The following IPCEF1 variants were observed in gnomAD, a reference collection of about 807,000 sequenced individuals.
The protein encoded by IPCEF1 is interaction protein for cytohesin exchange factors 1, also known as interactor protein for cytohesin exchange factors 1.
IPCEF1 carries 31 observed loss-of-function variants against 50.9 expected under a neutral mutation model. The observed-to-expected ratio is 0.61, with a 90% CI of 0.46 to 0.82. The LOEUF (loss-of-function observed/expected upper bound fraction) is 0.82, where lower values mean the gene tolerates loss of function less well. IPCEF1 is among the 40% of genes least tolerant of loss of function. The probability of loss-of-function intolerance (pLI) is 0.00; values close to 1 mark genes in which losing one functional copy is unlikely to be tolerated. For missense variants in IPCEF1, 458 were observed against 514.0 expected (o/e 0.89, Z 1.05); for synonymous variants, 181 against 192.0 (o/e 0.94, Z 0.47).
intron 1 of IPCEF1, among the ~76,000 whole-genome samples, chr6:154,337,872 C>T (rs1783821679): frequency 6.6e-6 from 1 of 152,138 alleles, no homozygotes; most frequent in African/African-American, 2.4e-5. Context: ...ATCCATACCA[C>T]CCTTACCCTG....
intron 1 of IPCEF1, among the ~76,000 whole-genome samples, chr6:154,355,157 T>C (rs913034492): frequency 6.6e-6 from 1 of 152,166 alleles, no homozygotes; most frequent in Non-Finnish European, 1.5e-5. Flanking sequence ...TTCAAAAGGA[T>C]GCACGAGTCA....
At chr6:154,222,252 G>A (rs1187898905) in intron 6 of IPCEF1, among the ~76,000 whole-genome samples, 2 of 152,212 alleles carry the variant, frequency 1.3e-5, no homozygotes, top group East Asian at 1.9e-4. Flanking sequence ...CCTGCAGCAC[G>A]GCACAGGCCA....
chr6:154,213,601 C>T (rs1284144645), intron 8 of IPCEF1, among the ~76,000 whole-genome samples: 1 of 152,172 alleles, frequency 6.6e-6, no homozygotes, highest in Non-Finnish European at 1.5e-5. Context: ...CTTCCAATTT[C>T]CAAGGCCTTT....
chr6:154,213,397 T>C (rs1778125643), intron 8 of IPCEF1: 1 of 155,786 alleles, frequency 6.4e-6, no homozygotes, highest in Non-Finnish European at 1.4e-5. Context: ...TGTAGTTTTG[T>C]ACTAACTCAC....
chr6:154,341,081 A>C (rs1783909797), intron 1 of IPCEF1, among the ~76,000 whole-genome samples: 1 of 152,170 alleles, frequency 6.6e-6, no homozygotes, highest in Non-Finnish European at 1.5e-5. Flanking sequence ...GGTCACAGAT[A>C]GGTGAGAGAC....
At chr6:154,315,515 A>G (rs1451658157) in intron 1 of IPCEF1, among the ~76,000 whole-genome samples, 1 of 152,194 alleles carries the variant, frequency 6.6e-6, no homozygotes, top group Admixed American at 6.5e-5. Flanking sequence ...ACATAGTTAT[A>G]AGGCATAAGG....
intron 1 of IPCEF1, among the ~76,000 whole-genome samples, chr6:154,296,887 C>T (rs1337019245): frequency 6.7e-6 from 1 of 149,284 alleles, no homozygotes; most frequent in African/African-American, 2.5e-5. Context: ...TGGATAAAAA[C>T]AGACAAAGAA....
chr6:154,339,601 T>C (rs561569773), intron 1 of IPCEF1, among the ~76,000 whole-genome samples: 36 of 151,550 alleles, frequency 2.4e-4, no homozygotes, highest in African/African-American at 8.7e-4. Flanking sequence ...GTTTGTTTGT[T>C]TGTTTTTTGA....
chr6:154,252,188 C>A (rs1781352682), intron 3 of IPCEF1, among the ~76,000 whole-genome samples: 1 of 152,140 alleles, frequency 6.6e-6, no homozygotes, highest in Non-Finnish European at 1.5e-5. Flanking sequence ...ATGACAAACG[C>A]TCAACATCAG....
At chr6:154,337,676 A>G (rs9397704) in intron 1 of IPCEF1, among the ~76,000 whole-genome samples, 90,910 of 152,028 alleles carry the variant, frequency 0.6, 27,945 homozygotes, top group East Asian at 0.9. Flanking sequence ...AAAGGGGAGG[A>G]GGGAGGAACC....
At position 154,156,691 on chromosome 6, in the gene IPCEF1, T is replaced by TAGAA. The variant is rs1798730162; in HGVS notation, c.*3136_*3137insTTCT. On this transcript the variant is annotated 3_prime_UTR_variant, in exon 12 of 12. Transcript: ENST00000367220. ...TAATCCTATACTTTAGGAGTCTTTC[T>TAGAA]AGGCCTTTGATCCTATTCTGAGATT... 6.6e-6 allele frequency: 1 copy of TAGAA among 152,252 alleles called. No homozygotes were observed. Among genetic ancestry groups the TAGAA allele is most frequent in the African/African-American group, 2.4e-5 (1 of 41,464 alleles). The allele number at this position is 152,252 out of a possible 1,614,324, so 9.4% of individuals were successfully genotyped here.
chr6:154,331,427 G>A (rs1162443523), intron 1 of IPCEF1, among the ~76,000 whole-genome samples: 2 of 145,936 alleles, frequency 1.4e-5, no homozygotes, highest in East Asian at 2.1e-4. Context: ...AAGAAAGAGA[G>A]AGAGAGAAAG....
intron 3 of IPCEF1, among the ~76,000 whole-genome samples, chr6:154,263,995 C>T (rs536148010): frequency 2.3e-3 from 208 of 91,950 alleles, no homozygotes; most frequent in East Asian, 0.011. Context: ...GCTGGCCGGG[C>T]GGGGGGCTGA....
At chr6:154,249,324 T>C (rs1781280761) in intron 3 of IPCEF1, among the ~76,000 whole-genome samples, 6 of 152,158 alleles carry the variant, frequency 3.9e-5, no homozygotes, top group Admixed American at 3.9e-4. Flanking sequence ...AACTAGTACC[T>C]ATTGGCAAAA....
At chr6:154,234,590 C>G (rs1779971605) in intron 5 of IPCEF1, among the ~76,000 whole-genome samples, 1 of 152,208 alleles carries the variant, frequency 6.6e-6, no homozygotes, top group Admixed American at 6.5e-5. Context: ...GGATATGGCT[C>G]TCTCACTATC....
intron 1 of IPCEF1, among the ~76,000 whole-genome samples, chr6:154,341,882 A>T (rs722427): frequency 0.067 from 10,158 of 152,244 alleles, 392 homozygotes; most frequent in South Asian, 0.11. Context: ...TGTGATGTGT[A>T]AGCCTTGAAC....
At chr6:154,296,357 T>C (rs577727790) in intron 1 of IPCEF1, among the ~76,000 whole-genome samples, 6 of 152,304 alleles carry the variant, frequency 3.9e-5, no homozygotes, top group African/African-American at 1.4e-4. Context: ...CGTTGCCTTC[T>C]CTGCTTCTCC....
intron 11 of IPCEF1, among the ~76,000 whole-genome samples, chr6:154,160,686 A>G (rs1377661184): frequency 6.6e-6 from 1 of 152,162 alleles, no homozygotes; most frequent in Admixed American, 6.5e-5. Context: ...TGTCTAGCTC[A>G]GGTTAGAGTT....
At chr6:154,242,016 A>G (rs1780637879) in intron 5 of IPCEF1, among the ~76,000 whole-genome samples, 1 of 152,232 alleles carries the variant, frequency 6.6e-6, no homozygotes, top group Non-Finnish European at 1.5e-5. Context: ...TGAGCAAGTT[A>G]CTTAAATTCC....
Sources: allele counts gnomAD v4.1 joint callset (sites outside exome capture counted in the v4.1 genomes callset), GRCh38; gene constraint gnomAD v4.1.1; transcripts MANE v1.5; gene names NCBI Gene and HGNC (gene_info 2026-07-23, HGNC 2026-07-21).